The following PRKCB variants were observed in gnomAD, a reference collection of about 807,000 sequenced individuals.
The protein encoded by PRKCB is protein kinase C beta, also known as protein kinase C beta type.
Under a neutral mutation model 81.5 loss-of-function variants are expected in PRKCB, and 13 were observed. That is an observed-to-expected ratio of 0.16 (90% CI 0.10 to 0.25). The LOEUF is 0.25. Among genes scored for constraint, PRKCB ranks in the 10% least tolerant of loss-of-function variants. The pLI, the probability that PRKCB is intolerant of heterozygous loss-of-function variation, is 1.00. For missense variants in PRKCB, 509 were observed against 875.7 expected, an observed-to-expected ratio of 0.58 and a Z score of 5.29; for synonymous variants, 335 against 321.4, an observed-to-expected ratio of 1.04 and a Z score of -0.45.
At chr16:24,021,839 A>G (rs1197589560) in intron 3 of PRKCB, among the ~76,000 whole-genome samples, 1 of 152,200 alleles carries the variant, frequency 6.6e-6, no homozygotes. Flanking sequence ...GACATGACAT[A>G]GAGGACTCAG....
chr16:23,913,305 G>A (rs1963689667), intron 2 of PRKCB, among the ~76,000 whole-genome samples: 1 of 151,744 alleles, frequency 6.6e-6, no homozygotes, highest in East Asian at 1.9e-4. Context: ...CCTTCAGCCA[G>A]ACCGACCTTC....
intron 2 of PRKCB, among the ~76,000 whole-genome samples, chr16:23,853,843 T>C (rs56818147): frequency 6.0e-5 from 9 of 150,912 alleles, no homozygotes; most frequent in African/African-American, 1.9e-4. Context: ...TATTAATCCA[T>C]TCTCATGCTG....
At chr16:23,836,671 C>T (rs1962164953) in intron 1 of PRKCB, among the ~76,000 whole-genome samples, 1 of 151,702 alleles carries the variant, frequency 6.6e-6, no homozygotes, top group South Asian at 2.1e-4. Flanking sequence ...TGTGCCTGCC[C>T]TGGAGGGCAG....
chr16:24,121,763 A>G (rs1405711047), intron 8 of PRKCB, among the ~76,000 whole-genome samples: 1 of 152,252 alleles, frequency 6.6e-6, no homozygotes, highest in Non-Finnish European at 1.5e-5. Context: ...CTTCAAAGCA[A>G]CCAAATAATG....
intron 2 of PRKCB, among the ~76,000 whole-genome samples, chr16:23,946,959 G>A (rs1251354598): frequency 6.6e-6 from 1 of 151,822 alleles, no homozygotes; most frequent in African/African-American, 2.4e-5. Flanking sequence ...AGGCTTAAGC[G>A]ATTCTCTTGC....
At chr16:24,165,896 T>TTTTTTTTTTTTTA (rs1967338353) in intron 10 of PRKCB, among the ~76,000 whole-genome samples, 1 of 145,042 alleles carries the variant, frequency 6.9e-6, no homozygotes, top group African/African-American at 2.5e-5. Context: ...TTTTTTTTTT[T>TTTTTTTTTTTTTA]TTTTTTTTTT....
chr16:24,019,156 T>C lies in PRKCB; in HGVS notation c.289-12980T>C, dbSNP rs553917613. Among the ~76,000 whole-genome samples, 129 of 151,954 alleles carry C rather than the reference T, an allele frequency of 8.5e-4. 2 individuals carry two copies. The highest frequency in any genetic ancestry group is 2.9e-3 in the African/African-American group (122 of 41,414). Reference sequence around the variant, plus strand: ...TCTTGCCTCCATAGATGAACACTTGTATTAGGTTTTTTTTTTCTTTTTTTT... The same window carrying C: ...TCTTGCCTCCATAGATGAACACTTGCATTAGGTTTTTTTTTTCTTTTTTTT... On this transcript the variant is annotated intron_variant, in intron 3 of 16. Transcript: ENST00000643927.
At chr16:24,174,493 GC>G (rs1596582396) in intron 11 of PRKCB, 24 bp from the exon 12 acceptor site, 9 of 1,374,772 alleles carry the variant, frequency 6.5e-6, no homozygotes, top group Non-Finnish European at 9.2e-6. Flanking sequence ...TTTCTCCATC[GC>G]TTTTTTTTTT....
At chr16:23,937,369 C>T (rs182096661) in intron 2 of PRKCB, among the ~76,000 whole-genome samples, 2 of 152,270 alleles carry the variant, frequency 1.3e-5, no homozygotes, top group East Asian at 3.9e-4. Flanking sequence ...CTGGTTTACT[C>T]GGGACAAAGT....
At chr16:23,942,116 A>G (rs970596619) in intron 2 of PRKCB, among the ~76,000 whole-genome samples, 1 of 152,232 alleles carries the variant, frequency 6.6e-6, no homozygotes, top group Non-Finnish European at 1.5e-5. Context: ...TTGGTGGATG[A>G]CATAATGGAA....
chr16:24,050,184 C>T (rs1482015873), intron 5 of PRKCB, among the ~76,000 whole-genome samples: 1 of 152,130 alleles, frequency 6.6e-6, no homozygotes, highest in Non-Finnish European at 1.5e-5. Flanking sequence ...TCTTTTAATT[C>T]CCAAGTGAGG....
At chr16:23,993,894 G>T (rs1001161690) in intron 3 of PRKCB, among the ~76,000 whole-genome samples, 1 of 152,160 alleles carries the variant, frequency 6.6e-6, no homozygotes, top group South Asian at 2.1e-4. Context: ...CTGTATAGCA[G>T]AAAAATTCTA....
intron 2 of PRKCB, among the ~76,000 whole-genome samples, chr16:23,901,993 T>C (rs1011856396): frequency 3.3e-5 from 5 of 152,092 alleles, no homozygotes; most frequent in Non-Finnish European, 7.4e-5. Flanking sequence ...TGAAAAAATA[T>C]TCACTGAAAG....
At chr16:24,032,051 A>T (rs1482187715) in intron 3 of PRKCB, 85 bp from the exon 4 acceptor site, 5 of 919,046 alleles carry the variant, frequency 5.4e-6, no homozygotes, top group Non-Finnish European at 6.9e-6. Flanking sequence ...GTTCTTGGTG[A>T]GTTCTCCAGT....
intron 2 of PRKCB, among the ~76,000 whole-genome samples, chr16:23,862,926 C>T (rs1021548703): frequency 6.6e-6 from 1 of 150,720 alleles, no homozygotes; most frequent in South Asian, 2.1e-4. Flanking sequence ...CCAGCTATCC[C>T]GATATCTTGA....
At chr16:23,864,589 A>G (rs1031667440) in intron 2 of PRKCB, among the ~76,000 whole-genome samples, 2 of 152,208 alleles carry the variant, frequency 1.3e-5, no homozygotes, top group African/African-American at 2.4e-5. Flanking sequence ...AAAAACCTGT[A>G]TCTACTTCTT....
Position 24,018,852 on chromosome 16 carries a change from G to A in PRKCB, c.289-13284G>A, listed in dbSNP as rs377021479. 2.9e-4 allele frequency among the ~76,000 whole-genome samples: 44 copies of A among 152,294 alleles called. 5 individuals carry two copies. Among genetic ancestry groups the A allele is most frequent in the East Asian group, 9.6e-4 (5 of 5,184 alleles). On this transcript the variant is annotated intron_variant, in intron 3 of 16. Transcript: ENST00000643927. ...TGTCCCCTTTTCAAATGTGCCATGC[G>A]TGTGTAATTACAGCTTCTAACATTC...
intron 2 of PRKCB, among the ~76,000 whole-genome samples, chr16:23,886,675 A>G (rs1012333458): frequency 1.3e-5 from 2 of 152,036 alleles, no homozygotes; most frequent in Non-Finnish European, 2.9e-5. Flanking sequence ...GGCCTCCCGA[A>G]GTGCTGGGAT....
chr16:24,069,860 C>G (rs1966085638), intron 5 of PRKCB, among the ~76,000 whole-genome samples: 1 of 152,242 alleles, frequency 6.6e-6, no homozygotes, highest in African/African-American at 2.4e-5. Flanking sequence ...TGTATATTCT[C>G]TCTGGGCTGG....
Sources: gnomAD v4.1 joint callset for allele counts (sites outside exome capture counted in the v4.1 genomes callset) on GRCh38, gnomAD v4.1.1 for gene constraint, MANE v1.5 for transcripts, NCBI Gene and HGNC (gene_info 2026-07-23, HGNC 2026-07-21) for gene names.